Variants in UST observed in about 807,000 individuals in gnomAD.
The protein encoded by UST is uronyl 2-sulfotransferase, also known as chondroitin sulfate 2-O-sulfotransferase.
In UST, 21 loss-of-function variants were observed where a neutral mutation model predicts 45.6. That is an observed-to-expected ratio of 0.46 (90% CI 0.33 to 0.66). UST has a LOEUF of 0.66. Ranked by LOEUF, UST falls within the 30% of genes least tolerant of loss-of-function variation. UST has a pLI of 0.02. For synonymous variants in UST, 215 were observed against 200.6 expected, an observed-to-expected ratio of 1.07 and a Z score of -0.61; for missense variants, 463 against 512.4, an observed-to-expected ratio of 0.90 and a Z score of 0.93.
chr6:148,905,185 G>T (rs1562295487), intron 2 of UST, among the ~76,000 whole-genome samples: 2 of 152,166 alleles, frequency 1.3e-5, no homozygotes, highest in Non-Finnish European at 2.9e-5. Context: ...GCAATGATGG[G>T]TACAGATGGA....
intron 5 of UST, among the ~76,000 whole-genome samples, chr6:149,014,251 A>T (rs1489281176): frequency 6.6e-6 from 1 of 152,196 alleles, no homozygotes; most frequent in Non-Finnish European, 1.5e-5. Flanking sequence ...AGCCCCTGCA[A>T]GGTGGGTGGG....
At chr6:148,891,709 C>T (rs948336372) in intron 2 of UST, among the ~76,000 whole-genome samples, 3 of 152,132 alleles carry the variant, frequency 2.0e-5, no homozygotes, top group Non-Finnish European at 4.4e-5. Context: ...TAAATTTTTG[C>T]ACTTTTAAAT....
intron 5 of UST, among the ~76,000 whole-genome samples, chr6:148,966,668 C>A (rs1407775923): frequency 2.6e-5 from 4 of 152,318 alleles, no homozygotes; most frequent in Non-Finnish European, 5.9e-5. Flanking sequence ...AAATAATAAG[C>A]TGCAATCATT....
At chr6:148,785,989 T>C (rs1333034594) in intron 1 of UST, among the ~76,000 whole-genome samples, 2 of 152,170 alleles carry the variant, frequency 1.3e-5, no homozygotes, top group Non-Finnish European at 1.5e-5. Context: ...TATTTTGCCC[T>C]GTTCAGACAA....
In UST at chr6:148,946,510, C is replaced by CA. The variant is rs71007930; in HGVS notation, c.447+5095dup. Among the ~76,000 whole-genome samples the CA allele has an allele frequency of 3.8e-3, 129 of 33,892 alleles. 4 individuals carry two copies. The highest frequency in any genetic ancestry group is 4.9e-3 in the African/African-American group (44 of 8,890). The allele number at this position is 33,892 out of a possible 152,430, so 22.2% of individuals were successfully genotyped here. The stretch of plus-strand genomic sequence containing the variant: ...TGGGCGACAGAGCAAGACTCCATCT[C>CA]AAAAAAAAAAAAAAAAAAAGGCCGG... On this transcript the variant is annotated intron_variant, in intron 3 of 7. Transcript: ENST00000367463.
chr6:148,959,730 C>T lies in UST; in HGVS notation c.528-4680C>T, dbSNP rs374476235. Among the ~76,000 whole-genome samples the T allele has an allele frequency of 7.2e-5, 11 of 152,312 alleles. No homozygotes were observed. The East Asian group carries it at 2.1e-3, about 29-fold the overall frequency. ...GGAGCCCTGACCCAAATACCCACCTCCTTCCCCATTTGTCTCAGCTTCTCA... is the reference window on the plus strand; with the variant it reads ...GGAGCCCTGACCCAAATACCCACCTTCTTCCCCATTTGTCTCAGCTTCTCA... On this transcript the variant is annotated intron_variant, in intron 4 of 7. Coordinates refer to ENST00000367463, the MANE Select transcript of UST (RefSeq NM_005715.3).
At chr6:148,897,850 C>G (rs1415700180) in intron 2 of UST, among the ~76,000 whole-genome samples, 1 of 152,174 alleles carries the variant, frequency 6.6e-6, no homozygotes, top group Non-Finnish European at 1.5e-5. Context: ...AATCTCTTAC[C>G]TTATAAGAAC....
chr6:149,051,345 T>G (rs907764562), intron 7 of UST, among the ~76,000 whole-genome samples: 2 of 152,188 alleles, frequency 1.3e-5, no homozygotes, highest in Non-Finnish European at 2.9e-5. Context: ...CCAGACATGA[T>G]GTAGAAAGTC....
At chr6:149,046,252 T>C (rs573518164) in intron 7 of UST, among the ~76,000 whole-genome samples, 1 of 152,336 alleles carries the variant, frequency 6.6e-6, no homozygotes, top group Non-Finnish European at 1.5e-5. Flanking sequence ...CAGAGGCTTC[T>C]TTCTGTTGGG....
intron 1 of UST, among the ~76,000 whole-genome samples, chr6:148,855,605 A>G (rs1401496527): frequency 6.6e-6 from 1 of 152,202 alleles, no homozygotes; most frequent in Non-Finnish European, 1.5e-5. Flanking sequence ...AAAAGGATCC[A>G]AGGAAGGTGG....
intron 2 of UST, among the ~76,000 whole-genome samples, chr6:148,904,859 G>A: frequency 6.6e-6 from 1 of 152,104 alleles, no homozygotes. Flanking sequence ...AGCATTCACT[G>A]GGTGCTCCTG....
intron 5 of UST, among the ~76,000 whole-genome samples, chr6:148,967,676 C>T (rs769287425): frequency 6.6e-6 from 1 of 152,186 alleles, no homozygotes; most frequent in Non-Finnish European, 1.5e-5. Flanking sequence ...GGCCACCCCT[C>T]CCCTCGGAGG....
intron 1 of UST, among the ~76,000 whole-genome samples, chr6:148,788,793 G>A (rs960490325): frequency 2.6e-5 from 4 of 152,104 alleles, no homozygotes; most frequent in Non-Finnish European, 4.4e-5. Context: ...GTTCAGTAAC[G>A]ATCTCATCAA....
At chr6:148,803,331 A>T (rs1050365913) in intron 1 of UST, among the ~76,000 whole-genome samples, 1 of 152,178 alleles carries the variant, frequency 6.6e-6, no homozygotes, top group Non-Finnish European at 1.5e-5. Flanking sequence ...GGTTCTTACC[A>T]TTCCTGGGAT....
Position 148,790,098 on chromosome 6 carries a change from C to G in UST, c.247+42421C>G, listed in dbSNP as rs1398990219. Among the ~76,000 whole-genome samples the G allele has an allele frequency of 6.7e-6, 1 of 148,882 alleles. No homozygotes were observed. The highest frequency in any genetic ancestry group is 1.5e-5 in the Non-Finnish European group (1 of 67,756). ...GGGAATAATGCATTCGCATTGCTAT[C>G]GTAGTTATCCTTGCAGCGGTGTCAG... On this transcript the variant is annotated intron_variant, in intron 1 of 7. Transcript: ENST00000367463. This position sits in a 1 kb window ranked among gnomAD's most constrained non-coding sequence, Gnocchi z 4.2.
chr6:149,060,423 G>T (rs918356956), intron 7 of UST, among the ~76,000 whole-genome samples: 2 of 152,216 alleles, frequency 1.3e-5, no homozygotes, highest in African/African-American at 2.4e-5. Flanking sequence ...GCTGTGAGCC[G>T]CAGTGACACA....
intron 1 of UST, among the ~76,000 whole-genome samples, chr6:148,842,527 T>C (rs1364243709): frequency 1.3e-5 from 2 of 152,200 alleles, no homozygotes; most frequent in African/African-American, 4.8e-5. Flanking sequence ...GCTGACTTTG[T>C]TGAGGAAAAT....
intron 1 of UST, among the ~76,000 whole-genome samples, chr6:148,856,090 C>A (rs183946488): frequency 6.6e-6 from 1 of 152,272 alleles, no homozygotes. Flanking sequence ...GATCTTGGCT[C>A]ACTACAACCT....
intron 1 of UST, among the ~76,000 whole-genome samples, chr6:148,795,833 C>CT (rs1776938737): frequency 6.6e-6 from 1 of 151,962 alleles, no homozygotes; most frequent in African/African-American, 2.4e-5. Flanking sequence ...TTTATTTTGC[C>CT]GATTCATTAC....
Sources: gnomAD v4.1 joint callset for allele counts (sites outside exome capture counted in the v4.1 genomes callset) on GRCh38, gnomAD v4.1.1 for gene constraint, Gnocchi (gnomAD v3.1) non-coding constraint, MANE v1.5 for transcripts, NCBI Gene and HGNC (gene_info 2026-07-23, HGNC 2026-07-21) for gene names.